The following DLG2 variants were observed in gnomAD, a reference collection of about 807,000 sequenced individuals.
The protein encoded by DLG2 is disks large homolog 2.
In DLG2, 45 loss-of-function variants were observed where a neutral mutation model predicts 132.5. That is an observed-to-expected ratio of 0.34 (90% confidence interval 0.27 to 0.44). The LOEUF is 0.44. Ranked by LOEUF, DLG2 falls within the 20% of genes least tolerant of loss-of-function variation. The pLI, the probability that DLG2 is intolerant of heterozygous loss-of-function variation, is 1.00. For missense variants in DLG2, 1,045 were observed against 1,196.9 expected (o/e 0.87, Z 1.87); for synonymous variants, 424 against 419.6 (o/e 1.01, Z -0.13).
At chr11:83,860,981 A>G (rs1409022458) in intron 16 of DLG2, among the ~76,000 whole-genome samples, 3 of 152,162 alleles carry the variant, frequency 2.0e-5, no homozygotes, top group Non-Finnish European at 1.5e-5. Context: ...GCCTTCCACC[A>G]TGATTGTGAG....
intron 19 of DLG2, among the ~76,000 whole-genome samples, chr11:83,610,419 G>C (rs145722224): frequency 1.2e-3 from 180 of 152,290 alleles, no homozygotes; most frequent in Non-Finnish European, 2.3e-3. Context: ...ATTGAAAACA[G>C]AGCAAAAGGG....
intron 18 of DLG2, among the ~76,000 whole-genome samples, chr11:83,724,642 G>A (rs1039825834): frequency 2.0e-5 from 3 of 152,094 alleles, no homozygotes; most frequent in Non-Finnish European, 4.4e-5. Context: ...TTCACTGATT[G>A]TTGTTCTCAC....
At chr11:85,460,782 G>T (rs1230631870) in intron 3 of DLG2, among the ~76,000 whole-genome samples, 1 of 152,176 alleles carries the variant, frequency 6.6e-6, no homozygotes, top group Non-Finnish European at 1.5e-5. Flanking sequence ...CTAGTATCTT[G>T]ATCTTTGTAG....
intron 6 of DLG2, among the ~76,000 whole-genome samples, chr11:84,908,370 C>G (rs1267483156): frequency 3.3e-5 from 5 of 152,234 alleles, no homozygotes; most frequent in East Asian, 1.9e-4. Context: ...TACAATGCAT[C>G]TCAGTTCAGA....
chr11:85,494,753 A>C (rs2093634267), intron 3 of DLG2, among the ~76,000 whole-genome samples: 1 of 152,122 alleles, frequency 6.6e-6, no homozygotes, highest in South Asian at 2.1e-4. Flanking sequence ...CTTTAAAAGA[A>C]AGTTAAGACG....
At chr11:84,003,288 G>A (rs568759285) in intron 11 of DLG2, among the ~76,000 whole-genome samples, 17 of 152,208 alleles carry the variant, frequency 1.1e-4, no homozygotes, top group African/African-American at 3.6e-4. Flanking sequence ...GTCTTCTTCT[G>A]AGCCCTCAAA....
intron 7 of DLG2, among the ~76,000 whole-genome samples, chr11:84,430,289 A>T (rs180741936): frequency 6.6e-6 from 1 of 152,124 alleles, no homozygotes; most frequent in Non-Finnish European, 1.5e-5. Context: ...TACAAAAAAA[A>T]TTAGCTGAGC....
At chr11:83,516,051 C>T (rs1256908285) in intron 21 of DLG2, among the ~76,000 whole-genome samples, 1 of 152,150 alleles carries the variant, frequency 6.6e-6, no homozygotes, top group Admixed American at 6.5e-5. Context: ...CTGCTTGGTG[C>T]AGAGCTGAGT....
intron 8 of DLG2, among the ~76,000 whole-genome samples, chr11:84,233,888 C>T (rs2097126568): frequency 6.6e-6 from 1 of 152,200 alleles, no homozygotes; most frequent in Non-Finnish European, 1.5e-5. Context: ...GACAACAAGG[C>T]CGTTTCACCA....
chr11:84,837,358 G>T (rs1490117864), intron 6 of DLG2, among the ~76,000 whole-genome samples: 1 of 151,666 alleles, frequency 6.6e-6, no homozygotes, highest in Non-Finnish European at 1.5e-5. Flanking sequence ...AAATAAGGAA[G>T]ATCACTGAAT....
At chr11:84,451,501 A>C (rs990910663) in intron 7 of DLG2, among the ~76,000 whole-genome samples, 1 of 151,858 alleles carries the variant, frequency 6.6e-6, no homozygotes, top group Non-Finnish European at 1.5e-5. Flanking sequence ...AGCGTTCATG[A>C]TATGCTAAGT....
At chr11:83,946,764 A>T (rs1442327734) in intron 14 of DLG2, among the ~76,000 whole-genome samples, 2 of 146,926 alleles carry the variant, frequency 1.4e-5, no homozygotes, top group Non-Finnish European at 2.9e-5. Context: ...CATAATTTTT[A>T]AAAAATTTTT....
At chr11:84,951,545 T>A (rs1285177836) in intron 6 of DLG2, among the ~76,000 whole-genome samples, 1 of 151,586 alleles carries the variant, frequency 6.6e-6, no homozygotes, top group Non-Finnish European at 1.5e-5. Flanking sequence ...GCATTAAAAT[T>A]TTAACTACAA....
chr11:85,483,892 CAAAAA>C (rs5793164), intron 3 of DLG2, among the ~76,000 whole-genome samples: 3 of 85,228 alleles, frequency 3.5e-5, no homozygotes, highest in Admixed American at 1.2e-4. Flanking sequence ...TGCAGTGAGC[CAAAAA>C]AAAAAAAAAA....
At position 85,143,618 on chromosome 11, in the gene DLG2, T is replaced by G. The variant is rs181555136; in HGVS notation, c.282+10938A>C. 1.1e-3 allele frequency among the ~76,000 whole-genome samples: 168 copies of G among 151,980 alleles called. 8 individuals are homozygous for G. Among genetic ancestry groups the G allele is most frequent in the Admixed American group, 0.01 (160 of 15,242 alleles). On this transcript the variant is annotated intron_variant, in intron 5 of 27. Coordinates refer to ENST00000376104, the MANE Select transcript of DLG2 (RefSeq NM_001142699.3). The stretch of plus-strand genomic sequence containing the variant: ...TTGCTATATCCCATAAGTTTATGTA[T>G]GTTGTGTTTCCATTTTCATTTGTTT...
chr11:84,726,690 T>G (rs1003790819), intron 6 of DLG2, among the ~76,000 whole-genome samples: 5 of 152,140 alleles, frequency 3.3e-5, no homozygotes, highest in East Asian at 1.9e-4. Context: ...AATTGCCACA[T>G]GGTCTTCCAC....
intron 7 of DLG2, among the ~76,000 whole-genome samples, chr11:84,392,279 C>G (rs1404497070): frequency 1.3e-5 from 2 of 152,130 alleles, no homozygotes; most frequent in Non-Finnish European, 2.9e-5. Flanking sequence ...TTCTAAATGC[C>G]TACTACAAAG....
rs544801744 is a variant in DLG2, at chr11:83,740,476, G to A, written c.1825+46214C>T. On this transcript the variant is annotated intron_variant, in intron 18 of 27. Coordinates refer to ENST00000376104, the MANE Select transcript of DLG2 (RefSeq NM_001142699.3). ...TAAAAACTAATCAAAGACATTAGGA[G>A]TTAGGATAGCAGTTACTCTTCAGAA... Among the ~76,000 whole-genome samples the A allele has an allele frequency of 7.2e-5, 11 of 152,242 alleles. No individual in the cohort carries two copies. In the South Asian group the frequency reaches 2.1e-3, roughly 29 times the overall value.
At chr11:84,232,648 G>A (rs2097108645) in intron 8 of DLG2, among the ~76,000 whole-genome samples, 1 of 152,104 alleles carries the variant, frequency 6.6e-6, no homozygotes, top group Admixed American at 6.6e-5. Flanking sequence ...TCTATGTGAG[G>A]ACACAGCAGA....
Sources: gnomAD v4.1 joint callset for allele counts (sites outside exome capture counted in the v4.1 genomes callset) on GRCh38, gnomAD v4.1.1 for gene constraint, MANE v1.5 for transcripts, NCBI Gene and HGNC (gene_info 2026-07-23, HGNC 2026-07-21) for gene names.